MTF2: variants seen among roughly 807,000 people sequenced by gnomAD.
MTF2 encodes metal-response element-binding transcription factor 2.
In MTF2, 11 loss-of-function variants were observed where a neutral mutation model predicts 79.5. That is an observed-to-expected ratio of 0.14 (90% confidence interval 0.09 to 0.23). The LOEUF (loss-of-function observed/expected upper bound fraction) is 0.23. Ranked by LOEUF, MTF2 falls within the 10% of genes least tolerant of loss-of-function variation. The pLI, the probability that MTF2 is intolerant of heterozygous loss-of-function variation, is 1.00. For synonymous variants in MTF2, 208 were observed against 232.8 expected, an observed-to-expected ratio of 0.89 and a Z score of 0.97; for missense variants, 486 against 711.2, an observed-to-expected ratio of 0.68 and a Z score of 3.60.
Position 93,112,073 on chromosome 1 carries a change from G to A in MTF2, c.286+1447G>A, listed in dbSNP as rs1656050952. 2.6e-5 allele frequency among the ~76,000 whole-genome samples: 4 copies of A among 152,058 alleles called. No individual in the cohort carries two copies. In the South Asian group the frequency reaches 8.3e-4, roughly 32 times the overall value. On this transcript the variant is annotated intron_variant, in intron 3 of 14. Transcript: ENST00000370298. ...TAGAGATAGAAAGTTGTTGTGTGAG[G>A]GGTTCTATAAGTCCTGCACTCAGTA...
At chr1:93,084,374 A>G (rs1654745710) in intron 1 of MTF2, among the ~76,000 whole-genome samples, 1 of 152,330 alleles carries the variant, frequency 6.6e-6, no homozygotes, top group East Asian at 1.9e-4. Flanking sequence ...CTGTACCATA[A>G]TATTTTAATT....
intron 1 of MTF2, among the ~76,000 whole-genome samples, chr1:93,085,485 T>G (rs1437670114): frequency 2.0e-5 from 3 of 149,642 alleles, no homozygotes; most frequent in Non-Finnish European, 4.5e-5. Flanking sequence ...CCTTTTTTTT[T>G]TTTTTTTTTT....
chr1:93,100,748 T>C (rs190035556), intron 1 of MTF2, among the ~76,000 whole-genome samples: 1 of 152,218 alleles, frequency 6.6e-6, no homozygotes, highest in African/African-American at 2.4e-5. Flanking sequence ...GCAACGAGTC[T>C]CAGGCTTCAT....
intron 1 of MTF2, among the ~76,000 whole-genome samples, chr1:93,093,637 T>C (rs1444472706): frequency 6.6e-6 from 1 of 152,218 alleles, no homozygotes; most frequent in Non-Finnish European, 1.5e-5. Flanking sequence ...GCTTGGGGGA[T>C]AAATCTTTAA....
intron 11 of MTF2, among the ~76,000 whole-genome samples, chr1:93,129,837 G>A (rs908517293): frequency 2.6e-5 from 4 of 151,050 alleles, no homozygotes; most frequent in Non-Finnish European, 6.0e-5. Context: ...TACAATGACA[G>A]ATAGATTTTT....
chr1:93,135,566 G>A (rs1647355982), intron 14 of MTF2, among the ~76,000 whole-genome samples: 1 of 152,082 alleles, frequency 6.6e-6, no homozygotes, highest in Admixed American at 6.6e-5. Flanking sequence ...GGGTGTGGTG[G>A]CTTATGCCTA....
chr1:93,093,970 A>G (rs1348297346), intron 1 of MTF2, among the ~76,000 whole-genome samples: 1 of 152,210 alleles, frequency 6.6e-6, no homozygotes, highest in Non-Finnish European at 1.5e-5. Context: ...TTAAGTGAAT[A>G]GTTCCACTGT....
intron 1 of MTF2, among the ~76,000 whole-genome samples, chr1:93,081,917 A>C (rs1654620747): frequency 6.6e-6 from 1 of 152,220 alleles, no homozygotes; most frequent in Admixed American, 6.5e-5. Context: ...ACATTCATTA[A>C]CCATGGAAAC....
chr1:93,131,702 A>T (rs373266359), intron 11 of MTF2, among the ~76,000 whole-genome samples: 8 of 152,158 alleles, frequency 5.3e-5, no homozygotes, highest in African/African-American at 1.7e-4. Flanking sequence ...TTTAAAATAG[A>T]TGGGAGATAG....
intron 9 of MTF2, among the ~76,000 whole-genome samples, chr1:93,123,688 A>G (rs1656577684): frequency 6.6e-6 from 1 of 151,952 alleles, no homozygotes; most frequent in Non-Finnish European, 1.5e-5. Context: ...AACCTAGTAA[A>G]TACATATTTA....
At chr1:93,105,608 G>T (rs1655742680) in intron 1 of MTF2, among the ~76,000 whole-genome samples, 1 of 152,128 alleles carries the variant, frequency 6.6e-6, no homozygotes, top group African/African-American at 2.4e-5. Flanking sequence ...GCCTGGCACA[G>T]TATGTGGCTC....
chr1:93,134,075 A>C lies in MTF2; in HGVS notation c.1320-16A>C, dbSNP rs371832380. The C allele has an allele frequency of 1.3e-6, 2 of 1,584,942 alleles. No individual in the cohort carries two copies. Among genetic ancestry groups the C allele is most frequent in the Non-Finnish European group, 1.7e-6 (2 of 1,161,008 alleles). On this transcript the variant is annotated splice_polypyrimidine_tract_variant and intron_variant, in intron 13 of 14. Coordinates refer to ENST00000370298, the MANE Select transcript of MTF2 (RefSeq NM_007358.4). ...TATAATATAGTCGTTACACAATTTA[A>C]ATTCTTTTGTCTCAGGAGAACTGAG...
intron 11 of MTF2, 55 bp downstream of exon 11, chr1:93,129,503 T>C (rs2101090117): frequency 7.4e-7 from 1 of 1,343,698 alleles, no homozygotes; most frequent in Non-Finnish European, 1.0e-6. Context: ...TAACTAAAAA[T>C]GTATGTTATT....
Position 93,110,313 on chromosome 1 carries a change from A to C in MTF2, c.89A>C (p.Lys30Thr). ...CAAAAGACCCCAACATCCTTGACCA[A>C]GCTGTCTTTACAGGATGGACATAAA... ...RNQKTPTSLTKLSLQDGHKAK... is the reference protein window; with the variant it reads ...RNQKTPTSLTTLSLQDGHKAK... The change falls in exon 2 of 15, where the codon AAG becomes ACG. Residue 30 changes from lysine (K) to threonine (T), a missense_variant. Around this residue, in one of 4 missense-constraint regions of MTF2, gnomAD observed 75 missense variants for 83.8 expected, o/e 0.89. Transcript: ENST00000370298. 2 of 1,614,160 alleles carry C rather than the reference A, an allele frequency of 1.2e-6. No individual in the cohort carries two copies. Among genetic ancestry groups the C allele is most frequent in the Non-Finnish European group, 1.7e-6 (2 of 1,180,008 alleles).
intron 1 of MTF2, among the ~76,000 whole-genome samples, chr1:93,106,223 GA>G (rs1204470021): frequency 1.3e-5 from 2 of 152,222 alleles, no homozygotes; most frequent in African/African-American, 4.8e-5. Context: ...ATGACCTAAG[GA>G]TGTGCTATGC....
Position 93,110,441 on chromosome 1 carries a change from A to G in MTF2, c.204+13A>G. The G allele has an allele frequency of 6.2e-7, 1 of 1,613,660 alleles. No individual in the cohort carries two copies. Among genetic ancestry groups the G allele is most frequent in the Non-Finnish European group, 8.5e-7 (1 of 1,179,588 alleles). On this transcript the variant is annotated intron_variant, in intron 2 of 14. Transcript: ENST00000370298. ...CACTATCAAAAAGGCAAGTTACTTT[A>G]ATGTATCTTTTGCTGTTTTTGCAGT...
chr1:93,110,146 T>C, intron 1 of MTF2, 84 bp from the exon 2 acceptor site: 1 of 1,313,092 alleles, frequency 7.6e-7, no homozygotes, highest in Non-Finnish European at 1.1e-6. Flanking sequence ...AATTTAAAAC[T>C]TTGATTAACA....
At chr1:93,086,334 T>C (rs938730827) in intron 1 of MTF2, among the ~76,000 whole-genome samples, 1 of 151,826 alleles carries the variant, frequency 6.6e-6, no homozygotes, top group East Asian at 1.9e-4. Flanking sequence ...TGAAACCCTG[T>C]CTCTACTAAA....
At chr1:93,130,509 G>A (rs976797396) in intron 11 of MTF2, among the ~76,000 whole-genome samples, 4 of 152,162 alleles carry the variant, frequency 2.6e-5, no homozygotes, top group Admixed American at 6.5e-5. Flanking sequence ...TCCAGGAGGC[G>A]GAGGTTGCAG....
Sources: gnomAD v4.1 joint callset for allele counts (sites outside exome capture counted in the v4.1 genomes callset) on GRCh38, gnomAD v4.1.1 for gene constraint, gnomAD v4.1.1 regional missense constraint, MANE v1.5 for transcripts, NCBI Gene and HGNC (gene_info 2026-07-23, HGNC 2026-07-21) for gene names.